The following ATOSB variants were observed in gnomAD, a reference collection of about 807,000 sequenced individuals.
ATOSB encodes the protein atos homolog protein B.
At chr9:35,109,844 A>G in the ATOSB span, 1 of 152,384 alleles carries the variant, frequency 6.6e-6, no homozygotes, top group African/African-American at 2.4e-5. Context: ...GACCGACCAT[A>G]GAGTTCCTGA....
the ATOSB span, among the ~76,000 whole-genome samples, chr9:35,114,708 C>A: frequency 6.6e-6 from 1 of 152,142 alleles, no homozygotes; most frequent in African/African-American, 2.4e-5. Flanking sequence ...CAGTCGTGGC[C>A]CACCTCTCAA....
the ATOSB span, chr9:35,108,269 G>T: frequency 8.4e-6 from 13 of 1,546,206 alleles, no homozygotes; most frequent in Non-Finnish European, 1.1e-5. Context: ...CCTGCACGTG[G>T]CGCATGAAGC....
At chr9:35,105,795 G>A in the ATOSB span, 210 of 1,614,062 alleles carry the variant, frequency 1.3e-4, 1 homozygote, top group Middle Eastern at 1.6e-4. This position sits in a 1 kb window ranked among gnomAD's most constrained non-coding sequence, Gnocchi z 5.5. Context: ...CAGCAGGCAT[G>A]TCCGAGAAGT....
the ATOSB span, chr9:35,104,723 A>T: frequency 3.5e-6 from 1 of 283,370 alleles, no homozygotes; most frequent in Admixed American, 4.8e-5. Flanking sequence ...CCCTCAGCTG[A>T]GGGAAAGCAG....
chr9:35,114,941 A>G, the ATOSB span, among the ~76,000 whole-genome samples: 1 of 152,084 alleles, frequency 6.6e-6, no homozygotes, highest in African/African-American at 2.4e-5. Flanking sequence ...CATTGATAAC[A>G]AAGTACCGGG....
the ATOSB span, chr9:35,106,553 C>G: frequency 5.7e-6 from 9 of 1,576,326 alleles, no homozygotes; most frequent in Non-Finnish European, 6.0e-6. This position sits in a 1 kb window ranked among gnomAD's most constrained non-coding sequence, Gnocchi z 4.6. Context: ...AGTTGCCCAG[C>G]AGGGTACGGC....
At chr9:35,104,879 A>C in the ATOSB span, 1 of 176,862 alleles carries the variant, frequency 5.7e-6, no homozygotes, top group Non-Finnish European at 1.2e-5. Flanking sequence ...ATAAATTAAA[A>C]ATAAATAAAA....
At chr9:35,112,409 A>G in the ATOSB span, 100,993 of 151,966 alleles carry the variant, frequency 0.66, 34,853 homozygotes, top group Non-Finnish European at 0.75. Flanking sequence ...AATGAGCCCA[A>G]CTCTTGTGAT....
At chr9:35,105,204 G>A in the ATOSB span, 3 of 1,606,310 alleles carry the variant, frequency 1.9e-6, no homozygotes, top group Non-Finnish European at 2.6e-6. The surrounding 1 kb of genome is among the most constrained non-coding windows in gnomAD (Gnocchi z 5.5). Context: ...GCCCGCATGG[G>A]TTCAGAGTGC....
At chr9:35,108,465 A>T in the ATOSB span, 1 of 1,348,614 alleles carries the variant, frequency 7.4e-7, no homozygotes, top group Non-Finnish European at 9.6e-7. Flanking sequence ...GTTCCCAAGG[A>T]TGAATGTGTA....
the ATOSB span, chr9:35,108,766 G>A: frequency 1.1e-6 from 1 of 881,554 alleles, no homozygotes; most frequent in Non-Finnish European, 1.4e-6. Flanking sequence ...ACGTAAGCCA[G>A]GATCACTGGA....
At chr9:35,108,689 G>A in the ATOSB span, 1 of 1,003,160 alleles carries the variant, frequency 1.0e-6, no homozygotes, top group Non-Finnish European at 1.2e-6. Context: ...CTGCTGCACT[G>A]GCAAGGTGAC....
At chr9:35,106,806 G>A in the ATOSB span, 8 of 1,558,666 alleles carry the variant, frequency 5.1e-6, no homozygotes, top group Non-Finnish European at 7.0e-6. The surrounding 1 kb of genome is among the most constrained non-coding windows in gnomAD (Gnocchi z 4.6). Context: ...CTCAGGGACA[G>A]GGTAGAGGAA....
At chr9:35,108,379 C>A in the ATOSB span, 1 of 1,419,622 alleles carries the variant, frequency 7.0e-7, no homozygotes, top group South Asian at 1.5e-5. Flanking sequence ...AAAAGGTGGT[C>A]AGGGGAATCA....
the ATOSB span, chr9:35,108,616 T>A: frequency 9.3e-7 from 1 of 1,071,136 alleles, no homozygotes. Context: ...GCCTCAAGCC[T>A]AGCTGTGCGT....
At chr9:35,108,175 T>C in the ATOSB span, 1 of 1,593,282 alleles carries the variant, frequency 6.3e-7, no homozygotes, top group Non-Finnish European at 8.5e-7. Context: ...CTGTAGCCCA[T>C]GAGCAGGCCA....
the ATOSB span, chr9:35,104,440 T>C: frequency 5.7e-6 from 1 of 174,548 alleles, no homozygotes; most frequent in African/African-American, 2.4e-5. Flanking sequence ...GACACCTTCT[T>C]CAGTCAGGAC....
At chr9:35,104,179 G>C in the ATOSB span, 3 of 152,574 alleles carry the variant, frequency 2.0e-5, no homozygotes, top group African/African-American at 7.2e-5. Context: ...CTAAAAAAAA[G>C]TACCAGGTAC....
At chr9:35,105,037 C>T in the ATOSB span, 5 of 597,958 alleles carry the variant, frequency 8.4e-6, no homozygotes, top group East Asian at 3.4e-5. The surrounding 1 kb of genome is among the most constrained non-coding windows in gnomAD (Gnocchi z 5.5). Context: ...ATGGAGTACC[C>T]GAAGTAGGGC....
Sources: gnomAD v4.1 joint callset for allele counts (sites outside exome capture counted in the v4.1 genomes callset) on GRCh38, gnomAD v4.1.1 for gene constraint, Gnocchi (gnomAD v3.1) non-coding constraint, MANE v1.5 for transcripts, NCBI Gene and HGNC (gene_info 2026-07-23, HGNC 2026-07-21) for gene names.